The following CLEC9A variants were observed in gnomAD, a reference collection of about 807,000 sequenced individuals.
CLEC9A encodes the protein C-type lectin domain family 9 member A.
Under a neutral mutation model 30.0 loss-of-function variants are expected in CLEC9A, and 24 were observed. The ratio of observed to expected loss-of-function variants is 0.80; its 90% confidence interval spans 0.58 to 1.13. The LOEUF (loss-of-function observed/expected upper bound fraction) is 1.13. Ranked by LOEUF, CLEC9A falls within the 50% of genes most tolerant of loss-of-function variation. CLEC9A has a pLI of 0.00. For missense variants in CLEC9A, 251 were observed against 280.9 expected (o/e 0.89, Z 0.76); for synonymous variants, 111 against 96.8 (o/e 1.15, Z -0.86).
intron 1 of CLEC9A, among the ~76,000 whole-genome samples, chr12:10,040,499 G>A (rs1455348834): frequency 6.8e-6 from 1 of 148,108 alleles, no homozygotes; most frequent in Non-Finnish European, 1.5e-5. Flanking sequence ...CGCCCAGGCT[G>A]GAGTGCGGTG....
chr12:10,036,969 A>T (rs1865749301), intron 1 of CLEC9A, among the ~76,000 whole-genome samples: 1 of 152,214 alleles, frequency 6.6e-6, no homozygotes, highest in African/African-American at 2.4e-5. Context: ...GATTCTTAGA[A>T]GCTGCGTAGA....
intron 6 of CLEC9A, among the ~76,000 whole-genome samples, chr12:10,061,776 T>C (rs1174851934): frequency 2.6e-5 from 4 of 152,230 alleles, no homozygotes; most frequent in Non-Finnish European, 5.9e-5. Context: ...GTTTAATCTT[T>C]TATATGCTTT....
intron 5 of CLEC9A, among the ~76,000 whole-genome samples, chr12:10,055,225 G>A (rs979186624): frequency 1.3e-5 from 2 of 152,168 alleles, no homozygotes; most frequent in African/African-American, 4.8e-5. Flanking sequence ...CTTCAAGACA[G>A]CTTTCTTTTT....
intron 1 of CLEC9A, among the ~76,000 whole-genome samples, chr12:10,033,268 G>T (rs999677416): frequency 6.6e-5 from 10 of 151,682 alleles, no homozygotes; most frequent in Non-Finnish European, 1.0e-4. Context: ...TTCAGTTCTT[G>T]GTCCTCTTGT....
intron 2 of CLEC9A, among the ~76,000 whole-genome samples, chr12:10,049,786 C>A (rs925962919): frequency 6.6e-6 from 1 of 152,180 alleles, no homozygotes; most frequent in African/African-American, 2.4e-5. Context: ...TCCATATTAG[C>A]AATAAGGCTA....
rs58274495 is a variant in CLEC9A, at chr12:10,056,058, C to CAAAA, written c.172+1730_172+1733dup. On this transcript the variant is annotated intron_variant, in intron 5 of 8. Coordinates refer to ENST00000355819, the MANE Select transcript of CLEC9A (RefSeq NM_207345.4). ...TGGGTGACAGAGTGAGACTCTGTCT[C>CAAAA]AAAAAAAAAAAAAAAAAAAAAAAAA... 3.1e-3 allele frequency among the ~76,000 whole-genome samples: 148 copies of CAAAA among 47,518 alleles called. 23 individuals carry two copies. Among genetic ancestry groups the CAAAA allele is most frequent in the Non-Finnish European group, 4.6e-3 (132 of 28,712 alleles). The allele number at this position is 47,518 out of a possible 152,430, so 31.2% of individuals were successfully genotyped here.
Position 10,063,188 on chromosome 12 carries a change from A to C in CLEC9A, c.453A>C (p.Ile151=). Residue 151 remains isoleucine (I), a synonymous_variant, in exon 7 of 9, where the codon ATA becomes ATC. Transcript: ENST00000355819. The stretch of plus-strand genomic sequence containing the variant: ...AGGAAGGTTCCACGCTGCTACAAAT[A>C]GAGAGCAAAGAAGAAATGGTAAACA... ...CLKEGSTLLQ[I]ESKEEMDFIT... 1 of 1,602,328 alleles carries C rather than the reference A, an allele frequency of 6.2e-7. No homozygotes were observed. Among genetic ancestry groups the C allele is most frequent in the Non-Finnish European group, 8.5e-7 (1 of 1,176,448 alleles).
intron 5 of CLEC9A, among the ~76,000 whole-genome samples, chr12:10,058,887 C>T (rs907854731): frequency 3.3e-5 from 5 of 152,254 alleles, no homozygotes; most frequent in South Asian, 2.1e-4. Context: ...TGGTTACCTC[C>T]GTTTTGTGGT....
chr12:10,041,984 C>T (rs1390313341), intron 2 of CLEC9A, among the ~76,000 whole-genome samples: 1 of 152,144 alleles, frequency 6.6e-6, no homozygotes, highest in Non-Finnish European at 1.5e-5. Context: ...AGGAGATATC[C>T]AGTTAAATTA....
rs770696051 is a variant in CLEC9A, at chr12:10,030,739, C to T, written c.-551C>T. The T allele has an allele frequency of 5.9e-5, 9 of 152,260 alleles. No individual in the cohort carries two copies. The highest frequency in any genetic ancestry group is 8.8e-5 in the Non-Finnish European group (6 of 68,058). 9.4% of individuals were successfully genotyped at this position (152,260 alleles called of 1,614,324 possible). A position where few individuals can be genotyped will look rare whatever the true frequency, so the allele number is the denominator to read the frequency against. On this transcript the variant is annotated 5_prime_UTR_variant, in exon 1 of 9. Coordinates refer to ENST00000355819, the MANE Select transcript of CLEC9A (RefSeq NM_207345.4). ...AAATGCTTTTCTGCTAGACTGGCAA[C>T]ATGTTTTGATTCTTCTCAAATAACT...
Position 10,065,706 on chromosome 12 carries a change from C to T in CLEC9A, c.*74C>T. The T allele has an allele frequency of 3.2e-6, 5 of 1,551,710 alleles. No homozygotes were observed. The highest frequency in any genetic ancestry group is 1.4e-5 in the African/African-American group (1 of 72,466). The stretch of plus-strand genomic sequence containing the variant: ...CATTGGAAAACCCACCCCCACCCCC[C>T]CTCAAAAAAACAGAACAGTAAACCA... On this transcript the variant is annotated 3_prime_UTR_variant, in exon 9 of 9. Transcript: ENST00000355819.
At chr12:10,049,640 A>G (rs111554735) in intron 2 of CLEC9A, among the ~76,000 whole-genome samples, 3,626 of 152,104 alleles carry the variant, frequency 0.024, 61 homozygotes, top group Non-Finnish European at 0.038. Context: ...CTAGCTTCCA[A>G]TTTTTCTTCT....
chr12:10,065,461 C>A (rs1866035413), intron 8 of CLEC9A, 39 bp from the exon 9 acceptor site: 1 of 1,610,784 alleles, frequency 6.2e-7, no homozygotes, highest in African/African-American at 1.3e-5. Context: ...TTCTGAAACT[C>A]CCAAGTCTAA....
At chr12:10,050,409 G>A (rs75102041) in intron 2 of CLEC9A, among the ~76,000 whole-genome samples, 5,222 of 152,098 alleles carry the variant, frequency 0.034, 139 homozygotes, top group African/African-American at 0.074. Flanking sequence ...TCTGCAAAGC[G>A]CAATAATGCA....
chr12:10,053,061 A>G (rs1865909959), intron 4 of CLEC9A, among the ~76,000 whole-genome samples: 1 of 152,208 alleles, frequency 6.6e-6, no homozygotes, highest in Non-Finnish European at 1.5e-5. Flanking sequence ...TACAACTTCA[A>G]TTAATTGAAC....
intron 2 of CLEC9A, among the ~76,000 whole-genome samples, chr12:10,046,673 G>A (rs981752764): frequency 5.9e-5 from 9 of 152,096 alleles, no homozygotes; most frequent in African/African-American, 1.2e-4. Context: ...ATTCTCAAGC[G>A]TCTCAACTGA....
At chr12:10,048,194 C>T (rs969934494) in intron 2 of CLEC9A, among the ~76,000 whole-genome samples, 38 of 150,166 alleles carry the variant, frequency 2.5e-4, no homozygotes, top group Admixed American at 2.7e-4. Flanking sequence ...GATTGCGCCA[C>T]TGCAGTCCGC....
At chr12:10,042,869 CTTT>C (rs1865809812) in intron 2 of CLEC9A, among the ~76,000 whole-genome samples, 1 of 152,088 alleles carries the variant, frequency 6.6e-6, no homozygotes. Flanking sequence ...TAATGTATTT[CTTT>C]GTGTTTTCTT....
At chr12:10,055,535 C>A (rs1021316111) in intron 5 of CLEC9A, among the ~76,000 whole-genome samples, 1 of 152,034 alleles carries the variant, frequency 6.6e-6, no homozygotes, top group African/African-American at 2.4e-5. Context: ...TGTTATTTTA[C>A]AAATGATAAT....
Sources: gnomAD v4.1 joint callset for allele counts (sites outside exome capture counted in the v4.1 genomes callset) on GRCh38, gnomAD v4.1.1 for gene constraint, MANE v1.5 for transcripts, NCBI Gene and HGNC (gene_info 2026-07-23, HGNC 2026-07-21) for gene names.